Variants in AOAH observed in about 807,000 individuals in gnomAD.
The protein encoded by AOAH is acyloxyacyl hydrolase.
AOAH carries 64 observed loss-of-function variants against 92.2 expected under a neutral mutation model. The ratio of observed to expected loss-of-function variants is 0.69; its 90% CI spans 0.57 to 0.86. AOAH has a LOEUF of 0.86. Ranked by LOEUF, AOAH falls within the 40% of genes least tolerant of loss-of-function variation. The pLI is 0.00. For synonymous variants in AOAH, 263 were observed against 254.5 expected (o/e 1.03, Z -0.32); for missense variants, 656 against 694.6 (o/e 0.94, Z 0.62).
chr7:36,540,927 G>A (rs1303746687), intron 15 of AOAH, among the ~76,000 whole-genome samples: 2 of 152,146 alleles, frequency 1.3e-5, no homozygotes, highest in African/African-American at 4.8e-5. Flanking sequence ...AAGATTTTAG[G>A]GGCTGTTTGT....
chr7:36,526,930 A>C (rs1784424892), intron 19 of AOAH, among the ~76,000 whole-genome samples: 1 of 152,234 alleles, frequency 6.6e-6, no homozygotes, highest in Non-Finnish European at 1.5e-5. Flanking sequence ...AGCCAGGTTT[A>C]TGCCAATTGA....
intron 13 of AOAH, among the ~76,000 whole-genome samples, chr7:36,550,724 C>T (rs1053036745): frequency 1.3e-5 from 2 of 152,170 alleles, no homozygotes; most frequent in African/African-American, 2.4e-5. Context: ...TGGTGCAACT[C>T]GGTGGACCGA....
At chr7:36,564,295 G>A (rs752005959) in intron 13 of AOAH, among the ~76,000 whole-genome samples, 1 of 152,146 alleles carries the variant, frequency 6.6e-6, no homozygotes, top group African/African-American at 2.4e-5. Context: ...GCCTCAACTT[G>A]CCTTTATTTC....
At chr7:36,596,031 C>T (rs768822865) in intron 11 of AOAH, among the ~76,000 whole-genome samples, 5 of 152,180 alleles carry the variant, frequency 3.3e-5, no homozygotes, top group Non-Finnish European at 2.9e-5. Flanking sequence ...GACTCTGATG[C>T]TAGAGGCTGC....
At chr7:36,670,285 G>C (rs545240336) in intron 3 of AOAH, among the ~76,000 whole-genome samples, 2 of 152,272 alleles carry the variant, frequency 1.3e-5, no homozygotes, top group South Asian at 4.1e-4. Context: ...AGCTGTGTCT[G>C]ATGGCTTAAA....
chr7:36,538,419 C>A (rs1018335351), intron 16 of AOAH, among the ~76,000 whole-genome samples: 1 of 152,044 alleles, frequency 6.6e-6, no homozygotes, highest in African/African-American at 2.4e-5. Flanking sequence ...ATTTATGAAA[C>A]CAAACATGTC....
intron 13 of AOAH, among the ~76,000 whole-genome samples, chr7:36,562,578 C>T (rs1787352254): frequency 6.6e-6 from 1 of 152,144 alleles, no homozygotes; most frequent in African/African-American, 2.4e-5. Context: ...CTGATTCATC[C>T]AGTTTCTTTT....
intron 11 of AOAH, among the ~76,000 whole-genome samples, chr7:36,602,978 C>T (rs183624514): frequency 6.0e-4 from 92 of 152,292 alleles, no homozygotes; most frequent in Non-Finnish European, 1.1e-3. Context: ...TGGGCATACA[C>T]ATCTGCTGGC....
intron 3 of AOAH, among the ~76,000 whole-genome samples, chr7:36,671,148 T>C (rs1297978195): frequency 6.6e-6 from 1 of 152,190 alleles, no homozygotes; most frequent in African/African-American, 2.4e-5. Flanking sequence ...GGTTTCTTTT[T>C]TTTACTGTTT....
chr7:36,619,035 A>G (rs1410905340), intron 9 of AOAH, among the ~76,000 whole-genome samples: 4 of 152,178 alleles, frequency 2.6e-5, no homozygotes, highest in African/African-American at 9.7e-5. Flanking sequence ...GCTACCCCTT[A>G]GTGGAGCTGC....
At chr7:36,673,096 T>C (rs1796024920) in intron 3 of AOAH, among the ~76,000 whole-genome samples, 1 of 152,088 alleles carries the variant, frequency 6.6e-6, no homozygotes, top group Admixed American at 6.5e-5. Context: ...TAGACTGTTT[T>C]GGGTGGTGGG....
intron 1 of AOAH, among the ~76,000 whole-genome samples, chr7:36,701,217 C>T (rs1265293107): frequency 3.3e-5 from 5 of 151,760 alleles, no homozygotes; most frequent in African/African-American, 1.2e-4. Context: ...TATTGCATAA[C>T]ACATGGTCAA....
chr7:36,688,003 G>T (rs190709170), intron 1 of AOAH, among the ~76,000 whole-genome samples: 1 of 152,236 alleles, frequency 6.6e-6, no homozygotes, highest in Admixed American at 6.5e-5. Flanking sequence ...CCCTCTCTCT[G>T]GACAAAGAGA....
chr7:36,656,315 T>C (rs754709861), intron 4 of AOAH, among the ~76,000 whole-genome samples: 27 of 152,196 alleles, frequency 1.8e-4, no homozygotes, highest in Non-Finnish European at 2.5e-4. Context: ...CATTCAAGGA[T>C]AGAGTTTCCT....
At chr7:36,550,218 G>C (rs1162735455) in intron 13 of AOAH, 2 of 152,178 alleles carry the variant, frequency 1.3e-5, no homozygotes, top group African/African-American at 2.4e-5. Flanking sequence ...TTAGCCAGGC[G>C]TGGTGGCGTG....
At chr7:36,615,140 T>TC (rs1351733237) in intron 11 of AOAH, among the ~76,000 whole-genome samples, 1 of 152,200 alleles carries the variant, frequency 6.6e-6, no homozygotes, top group Non-Finnish European at 1.5e-5. Context: ...GAAAGCACCC[T>TC]CCAGGGACAA....
At chr7:36,526,790 A>C (rs1403730271) in intron 19 of AOAH, among the ~76,000 whole-genome samples, 1 of 152,246 alleles carries the variant, frequency 6.6e-6, no homozygotes, top group Non-Finnish European at 1.5e-5. Context: ...CTCATAAAAC[A>C]CTTGTTCATC....
At chr7:36,645,682 T>A (rs558765184) in intron 4 of AOAH, among the ~76,000 whole-genome samples, 1 of 152,294 alleles carries the variant, frequency 6.6e-6, no homozygotes, top group African/African-American at 2.4e-5. Flanking sequence ...AAGCCTAATT[T>A]GGTTTTTAGG....
At chr7:36,712,046 A>G (rs1161228371) in intron 1 of AOAH, among the ~76,000 whole-genome samples, 1 of 152,252 alleles carries the variant, frequency 6.6e-6, no homozygotes, top group Non-Finnish European at 1.5e-5. Context: ...CAGCAGAAAC[A>G]GTGTCTTATG....
Sources: allele counts gnomAD v4.1 joint callset (sites outside exome capture counted in the v4.1 genomes callset), GRCh38; gene constraint gnomAD v4.1.1; transcripts MANE v1.5; gene names NCBI Gene and HGNC (gene_info 2026-07-23, HGNC 2026-07-21).